The following PRKN variants were observed in gnomAD, a reference collection of about 807,000 sequenced individuals.
PRKN encodes parkin RBR E3 ubiquitin protein ligase.
In PRKN, 56 loss-of-function variants were observed where a neutral mutation model predicts 59.5. That is an observed-to-expected ratio of 0.94 (90% confidence interval 0.76 to 1.18). The LOEUF (loss-of-function observed/expected upper bound fraction) is 1.18. Ranked by LOEUF, PRKN falls within the 50% of genes most tolerant of loss-of-function variation. The probability of loss-of-function intolerance (pLI) is 0.00; values close to 1 mark genes in which losing one functional copy is unlikely to be tolerated. For missense variants in PRKN, 657 were observed against 596.4 expected (o/e 1.10, Z -1.06); for synonymous variants, 250 against 222.1 (o/e 1.13, Z -1.12).
At chr6:162,004,517 C>T (rs1216064607) in intron 5 of PRKN, among the ~76,000 whole-genome samples, 1 of 152,190 alleles carries the variant, frequency 6.6e-6, no homozygotes, top group East Asian at 1.9e-4. Flanking sequence ...ATATTTGGTG[C>T]TTACTGCTTA....
chr6:162,431,349 C>T (rs995706065), intron 2 of PRKN, among the ~76,000 whole-genome samples: 11 of 152,198 alleles, frequency 7.2e-5, no homozygotes, highest in African/African-American at 2.2e-4. Flanking sequence ...CAATGTGATA[C>T]GCGAACTGTT....
rs143342694 is a variant in PRKN, at chr6:161,736,460, C to G, written c.871+49312G>C. ...TCAGTGGCTAATCGGTTGTGGAAGC[C>G]CTGGATAAACACTGTGACAACACAT... On this transcript the variant is annotated intron_variant, in intron 7 of 11. Coordinates refer to ENST00000366898, the MANE Select transcript of PRKN (RefSeq NM_004562.3). 8.6e-3 allele frequency among the ~76,000 whole-genome samples: 1,316 copies of G among 152,258 alleles called. 18 individuals are homozygous for G. The highest frequency in any genetic ancestry group is 0.03 in the African/African-American group (1,261 of 41,550).
chr6:162,041,870 A>C (rs1340026803), intron 5 of PRKN, among the ~76,000 whole-genome samples: 1 of 152,086 alleles, frequency 6.6e-6, no homozygotes, highest in Non-Finnish European at 1.5e-5. Flanking sequence ...TACAGTGTGC[A>C]TTTAGTCCCG....
chr6:161,537,707 T>A (rs915449404), intron 9 of PRKN, among the ~76,000 whole-genome samples: 2 of 152,200 alleles, frequency 1.3e-5, no homozygotes, highest in African/African-American at 4.8e-5. Flanking sequence ...CGCCTTAGCC[T>A]CCCAAAGTGC....
rs539930692 is a variant in PRKN, at chr6:161,560,946, G to A, written c.933+8409C>T. 4.6e-5 allele frequency among the ~76,000 whole-genome samples: 7 copies of A among 152,172 alleles called. No homozygotes were observed. The highest frequency in any genetic ancestry group is 2.1e-4 in the South Asian group (1 of 4,820). ...TCTTTATCTGATGGCAAAATTCCAC[G>A]CCTGGAAAACATCACCTCCACCTTC... On this transcript the variant is annotated intron_variant, in intron 8 of 11. Transcript: ENST00000366898. The surrounding 1 kb of genome is among the most constrained non-coding windows in gnomAD (Gnocchi z 4.9).
chr6:161,389,362 AT>A (rs1786406567), intron 9 of PRKN, among the ~76,000 whole-genome samples: 1 of 152,242 alleles, frequency 6.6e-6, no homozygotes, highest in Non-Finnish European at 1.5e-5. Context: ...ATATGCCACA[AT>A]TGATCTTCAA....
At chr6:162,040,223 C>T (rs1293936683) in intron 5 of PRKN, among the ~76,000 whole-genome samples, 1 of 152,100 alleles carries the variant, frequency 6.6e-6, no homozygotes, top group Admixed American at 6.5e-5. Context: ...CGGTAGGAAA[C>T]CTGGGCATTT....
chr6:161,439,731 G>A (rs1789107378), intron 9 of PRKN, among the ~76,000 whole-genome samples: 1 of 152,102 alleles, frequency 6.6e-6, no homozygotes, highest in African/African-American at 2.4e-5. Context: ...CTGCGCATCT[G>A]AACGTAATTC....
At chr6:162,381,001 C>T (rs1439085026) in intron 2 of PRKN, among the ~76,000 whole-genome samples, 1 of 152,134 alleles carries the variant, frequency 6.6e-6, no homozygotes, top group Non-Finnish European at 1.5e-5. Context: ...ATGGATTCAG[C>T]CAGACTTAGA....
At chr6:162,356,962 C>T (rs1199788981) in intron 2 of PRKN, among the ~76,000 whole-genome samples, 1 of 151,950 alleles carries the variant, frequency 6.6e-6, no homozygotes, top group Admixed American at 6.6e-5. Flanking sequence ...ACATCCTTAA[C>T]AAAAATCAAC....
chr6:162,300,299 A>G (rs892718681), intron 2 of PRKN, among the ~76,000 whole-genome samples: 1 of 152,032 alleles, frequency 6.6e-6, no homozygotes, highest in Admixed American at 6.5e-5. Flanking sequence ...GAATCCATCT[A>G]AACTATTTCA....
rs987684576 is a variant in PRKN, at chr6:161,588,848, A to G, written c.872-19432T>C. Among the ~76,000 whole-genome samples the G allele has an allele frequency of 6.6e-6, 1 of 152,122 alleles. No homozygotes were observed. The highest frequency in any genetic ancestry group is 2.4e-5 in the African/African-American group (1 of 41,428). On this transcript the variant is annotated intron_variant, in intron 7 of 11. Coordinates refer to ENST00000366898, the MANE Select transcript of PRKN (RefSeq NM_004562.3). This position sits in a 1 kb window ranked among gnomAD's most constrained non-coding sequence, Gnocchi z 5.0. Reference sequence around the variant, plus strand: ...GATTTAGCAAATAAAAATACAGGACACCCAGTTAAATTTGAGTTTCAGTAA... The same window carrying G: ...GATTTAGCAAATAAAAATACAGGACGCCCAGTTAAATTTGAGTTTCAGTAA...
chr6:161,392,496 A>T (rs1681567862), intron 9 of PRKN, among the ~76,000 whole-genome samples: 1 of 150,394 alleles, frequency 6.6e-6, no homozygotes, highest in African/African-American at 2.4e-5. Flanking sequence ...GCAAAATTAT[A>T]GTTCAAACCT....
intron 9 of PRKN, among the ~76,000 whole-genome samples, chr6:161,524,512 AT>A (rs1296936347): frequency 6.6e-6 from 1 of 151,838 alleles, no homozygotes; most frequent in African/African-American, 2.4e-5. Flanking sequence ...TGCTCAGCTA[AT>A]TTTTTTTAGT....
chr6:161,988,561 A>G (rs754685115), intron 5 of PRKN, among the ~76,000 whole-genome samples: 60 of 152,158 alleles, frequency 3.9e-4, no homozygotes, highest in Non-Finnish European at 7.2e-4. Flanking sequence ...AGGACACAAT[A>G]AAGTGTTTCA....
At chr6:162,256,498 C>T (rs1779643937) in intron 3 of PRKN, among the ~76,000 whole-genome samples, 2 of 152,124 alleles carry the variant, frequency 1.3e-5, no homozygotes, top group African/African-American at 4.8e-5. Flanking sequence ...AATCCAGCAG[C>T]CTGCCTGCAT....
intron 8 of PRKN, among the ~76,000 whole-genome samples, chr6:161,567,414 G>T (rs1037006506): frequency 1.3e-5 from 2 of 152,008 alleles, no homozygotes; most frequent in Non-Finnish European, 2.9e-5. Context: ...TACACTAAAT[G>T]TGTTTATGTG....
chr6:161,984,555 G>A (rs758708930), intron 5 of PRKN, among the ~76,000 whole-genome samples: 2 of 152,104 alleles, frequency 1.3e-5, no homozygotes, highest in Non-Finnish European at 2.9e-5. Context: ...ATCCCTGGCT[G>A]TGTTTTTCAT....
intron 1 of PRKN, among the ~76,000 whole-genome samples, chr6:162,657,117 C>T (rs1304012788): frequency 1.3e-5 from 2 of 152,056 alleles, no homozygotes; most frequent in Non-Finnish European, 2.9e-5. Context: ...CATGGCCTAG[C>T]AATGGTAGAT....
Sources: gnomAD v4.1 joint callset for allele counts (sites outside exome capture counted in the v4.1 genomes callset) on GRCh38, gnomAD v4.1.1 for gene constraint, Gnocchi (gnomAD v3.1) non-coding constraint, MANE v1.5 for transcripts, NCBI Gene and HGNC (gene_info 2026-07-23, HGNC 2026-07-21) for gene names.